STAU1: variants seen among roughly 807,000 people sequenced by gnomAD.
STAU1 encodes the protein double-stranded RNA-binding protein Staufen homolog 1.
STAU1 carries 13 observed loss-of-function variants against 62.9 expected under a neutral mutation model. That is an observed-to-expected ratio of 0.21 (90% CI 0.13 to 0.33). STAU1 has a LOEUF of 0.33. Ranked by LOEUF, STAU1 falls within the 10% of genes least tolerant of loss-of-function variation. The probability of loss-of-function intolerance (pLI) is 1.00; values close to 1 mark genes in which losing one functional copy is unlikely to be tolerated. For missense variants in STAU1, 571 were observed against 712.1 expected (o/e 0.80, Z 2.25); for synonymous variants, 269 against 265.1 (o/e 1.01, Z -0.14).
intron 6 of STAU1, among the ~76,000 whole-genome samples, chr20:49,127,362 A>C (rs1017936043): frequency 6.6e-6 from 1 of 151,966 alleles, no homozygotes; most frequent in South Asian, 2.1e-4. Flanking sequence ...CTCAAAAATA[A>C]ATAAATGAAT....
Position 49,117,180 on chromosome 20 carries a change from C to G in STAU1, c.1578G>C (p.Gln526His). Residue 526 changes from glutamine (Q) to histidine (H), a missense_variant, in exon 12 of 14, where the codon CAG (glutamine) becomes CAC (histidine). Gln to His is a conservative substitution (Grantham distance 24, BLOSUM62 0). This residue lies in a region of STAU1 where 156 missense variants were observed against 194.7 expected (regional missense o/e 0.80). Transcript: ENST00000371856. The surrounding 1 kb of genome is among the most constrained non-coding windows in gnomAD (Gnocchi z 4.6). Reference sequence around the variant, plus strand: ...CGATACCATGGCTGATCAGAGGTGGCTGAGAGGAGCAATTGATAAGAGATA... The same window carrying G: ...CGATACCATGGCTGATCAGAGGTGGGTGAGAGGAGCAATTGATAAGAGATA... ...EFVSLINCSS[Q>H]PPLISHGIGK... 6.2e-7 allele frequency: 1 copy of G among 1,614,142 alleles called. No homozygotes were observed. Among genetic ancestry groups the G allele is most frequent in the Non-Finnish European group, 8.5e-7 (1 of 1,180,024 alleles).
chr20:49,172,495 C>A (rs925047576), intron 2 of STAU1, among the ~76,000 whole-genome samples: 11 of 152,110 alleles, frequency 7.2e-5, no homozygotes, highest in African/African-American at 2.7e-4. Context: ...AAAAGTAGTT[C>A]TGTGTGATAT....
chr20:49,150,937 A>G (rs762669408), intron 5 of STAU1, among the ~76,000 whole-genome samples: 2 of 152,130 alleles, frequency 1.3e-5, no homozygotes, highest in Non-Finnish European at 2.9e-5. Context: ...CTCCTAGCTG[A>G]CAGCAAGCAC....
At chr20:49,146,460 G>T (rs904386701) in intron 5 of STAU1, among the ~76,000 whole-genome samples, 2 of 152,096 alleles carry the variant, frequency 1.3e-5, no homozygotes, top group African/African-American at 4.8e-5. Flanking sequence ...CCAGGATTCT[G>T]GGAGGCCAAG....
Position 49,166,214 on chromosome 20 carries a change from C to G in STAU1, c.-13G>C. On this transcript the variant is annotated 5_prime_UTR_variant, in exon 3 of 14. Coordinates refer to ENST00000371856, the MANE Select transcript of STAU1 (RefSeq NM_017453.4). The stretch of plus-strand genomic sequence containing the variant: ...GAACTTGAGACATGGTCACTTTCAA[C>G]AAAAGTGAACAAATGCAGGTAAACA... The G allele has an allele frequency of 1.2e-6, 2 of 1,612,698 alleles. No homozygotes were observed. Among genetic ancestry groups the G allele is most frequent in the African/African-American group, 1.3e-5 (1 of 74,970 alleles).
chr20:49,180,858 A>T (rs2093716239), intron 1 of STAU1, among the ~76,000 whole-genome samples: 3 of 152,196 alleles, frequency 2.0e-5, no homozygotes, highest in Admixed American at 2.0e-4. Context: ...TAATGAGCAA[A>T]ATTCATCCTA....
At chr20:49,163,011 G>A (rs2093472491) in intron 3 of STAU1, among the ~76,000 whole-genome samples, 1 of 151,734 alleles carries the variant, frequency 6.6e-6, no homozygotes, top group African/African-American at 2.4e-5. Flanking sequence ...GGCCAACATG[G>A]TGAAACCCCA....
chr20:49,156,311 C>T (rs1163037162), intron 3 of STAU1, among the ~76,000 whole-genome samples: 1 of 152,134 alleles, frequency 6.6e-6, no homozygotes, highest in African/African-American at 2.4e-5. Flanking sequence ...ACCGCCTTTC[C>T]AGATTGTCAG....
chr20:49,115,243 G>C (rs975040743), intron 13 of STAU1, among the ~76,000 whole-genome samples: 15 of 152,134 alleles, frequency 9.9e-5, no homozygotes, highest in African/African-American at 3.6e-4. Flanking sequence ...GGGGAAGATT[G>C]TACCTTGTAA....
chr20:49,174,414 TAG>T (rs2093633546), intron 1 of STAU1, 145 bp from the exon 2 acceptor site: 1 of 152,198 alleles, frequency 6.6e-6, no homozygotes, highest in South Asian at 2.1e-4. Flanking sequence ...CAGCATGCAG[TAG>T]AGTCTTCAAA....
At chr20:49,115,059 A>C (rs1264261256) in intron 13 of STAU1, among the ~76,000 whole-genome samples, 166 bp from the exon 14 acceptor site, 2 of 152,176 alleles carry the variant, frequency 1.3e-5, no homozygotes, top group African/African-American at 4.8e-5. Flanking sequence ...AAAATACGCA[A>C]GGAGAGTGTG....
the STAU1 span, among the ~76,000 whole-genome samples, chr20:49,200,582 C>T: frequency 1.8e-4 from 27 of 150,646 alleles, no homozygotes; most frequent in Non-Finnish European, 3.7e-4. Flanking sequence ...GCCTGGGCGA[C>T]AGAGCAAGAC....
chr20:49,180,047 A>G (rs1462368423), intron 1 of STAU1, among the ~76,000 whole-genome samples: 1 of 152,228 alleles, frequency 6.6e-6, no homozygotes, highest in African/African-American at 2.4e-5. Context: ...GTGGAATACC[A>G]AAGAAGCTTC....
the STAU1 span, among the ~76,000 whole-genome samples, chr20:49,201,071 A>AAAGAAGAAGAAGAAG: frequency 1.9e-5 from 2 of 104,566 alleles, no homozygotes; most frequent in African/African-American, 3.0e-5. Flanking sequence ...AAAAAAAAAA[A>AAAGAAGAAGAAGAAG]AAGAAGAAGA....
At chr20:49,219,279 CG>C in the STAU1 span, 5 of 1,429,872 alleles carry the variant, frequency 3.5e-6, no homozygotes, top group Non-Finnish European at 4.7e-6. Context: ...AAACCAACCA[CG>C]CCCCATATTG....
intron 1 of STAU1, among the ~76,000 whole-genome samples, chr20:49,182,787 C>T (rs558704747): frequency 2.7e-5 from 4 of 146,312 alleles, no homozygotes; most frequent in African/African-American, 7.7e-5. Context: ...TGCAGTGAGC[C>T]GAGATCACAC....
chr20:49,123,784 C>T (rs937862795), intron 7 of STAU1, among the ~76,000 whole-genome samples: 3 of 152,172 alleles, frequency 2.0e-5, no homozygotes, highest in African/African-American at 7.2e-5. Context: ...AAAAGGTATA[C>T]ATAGTATGCT....
In STAU1 at chr20:49,124,400, T is replaced by C; in HGVS notation, c.797A>G (p.Lys266Arg). 1 of 1,614,134 alleles carries C rather than the reference T, an allele frequency of 6.2e-7. No individual in the cohort carries two copies. The highest frequency in any genetic ancestry group is 1.1e-5 in the South Asian group (1 of 91,074). The change falls in exon 7 of 14, where the codon AAA becomes AGA. Residue 266 changes from lysine (K) to arginine (R), a missense_variant. By Grantham distance (26) the Lys-to-Arg change is conservative. Around this residue, in one of 3 missense-constraint regions of STAU1, gnomAD observed 414 missense variants for 499.6 expected, o/e 0.83. Coordinates refer to ENST00000371856, the MANE Select transcript of STAU1 (RefSeq NM_017453.4). Reference protein sequence around the residue: ...PAVERVKPRIKKKTKPIVKPQ... With the variant: ...PAVERVKPRIRKKTKPIVKPQ... ...CTTGACTATGGGTTTTGTTTTCTTT[T>C]TGATTCTAGGCTTTACTCGTTCAAC... is the stretch of plus-strand genomic sequence containing the variant.
At chr20:49,186,461 A>G (rs1291418662) in intron 1 of STAU1, among the ~76,000 whole-genome samples, 1 of 152,144 alleles carries the variant, frequency 6.6e-6, no homozygotes, top group African/African-American at 2.4e-5. Context: ...GTGTTAAGAG[A>G]TGGGTATAAA....
Sources: gnomAD v4.1 joint callset for allele counts (sites outside exome capture counted in the v4.1 genomes callset) on GRCh38, gnomAD v4.1.1 for gene constraint, gnomAD v4.1.1 regional missense constraint, Gnocchi (gnomAD v3.1) non-coding constraint, MANE v1.5 for transcripts, NCBI Gene and HGNC (gene_info 2026-07-23, HGNC 2026-07-21) for gene names.